The following PLXNA4 variants were observed in gnomAD, a reference collection of about 807,000 sequenced individuals.
PLXNA4 encodes the protein plexin-A4.
Under a neutral mutation model 191.8 loss-of-function variants are expected in PLXNA4, and 44 were observed. The observed-to-expected ratio is 0.23, with a 90% CI of 0.18 to 0.29. The LOEUF is 0.29. PLXNA4 is among the 10% of genes least tolerant of loss of function. PLXNA4 has a pLI of 1.00. For synonymous variants in PLXNA4, 1,082 were observed against 1,009.5 expected (o/e 1.07, Z -1.36); for missense variants, 1,800 against 2,488.8 (o/e 0.72, Z 5.89).
intron 24 of PLXNA4, among the ~76,000 whole-genome samples, chr7:132,160,463 C>G (rs1020498629): frequency 6.6e-6 from 1 of 152,066 alleles, no homozygotes; most frequent in South Asian, 2.1e-4. Flanking sequence ...TTAAAAAGAA[C>G]AAGGCTTTTC....
chr7:132,409,336 C>T (rs922439413), intron 3 of PLXNA4, among the ~76,000 whole-genome samples: 1 of 152,176 alleles, frequency 6.6e-6, no homozygotes. Flanking sequence ...TGTCCTATAA[C>T]CCCCTATGGC....
intron 1 of PLXNA4, among the ~76,000 whole-genome samples, chr7:132,544,557 C>T (rs1246064710): frequency 6.6e-6 from 1 of 152,054 alleles, no homozygotes; most frequent in Non-Finnish European, 1.5e-5. Context: ...GTGAGGGGGG[C>T]ACACCCTGTC....
At position 132,495,452 on chromosome 7, in the gene PLXNA4, C is replaced by T. The variant is rs147256089; in HGVS notation, c.1189-5978G>A. 2.2e-3 allele frequency among the ~76,000 whole-genome samples: 330 copies of T among 152,282 alleles called. 1 individual carries two copies. Among genetic ancestry groups the T allele is most frequent in the African/African-American group, 7.6e-3 (315 of 41,556 alleles). The stretch of plus-strand genomic sequence containing the variant: ...CCTAAGCTGATCCTGAAGAGGCAGA[C>T]CAGGTGACCAGCAGGGATGTGCCAT... On this transcript the variant is annotated intron_variant, in intron 2 of 31. Coordinates refer to ENST00000321063, the MANE Select transcript of PLXNA4 (RefSeq NM_020911.2).
chr7:132,281,560 A>G (rs1800479091), intron 4 of PLXNA4, among the ~76,000 whole-genome samples: 1 of 152,212 alleles, frequency 6.6e-6, no homozygotes, highest in Admixed American at 6.5e-5. Context: ...CATTATTGGC[A>G]ACAAAATCAC....
chr7:132,578,653 C>T (rs900203285), upstream of PLXNA4, among the ~76,000 whole-genome samples: 2 of 152,142 alleles, frequency 1.3e-5, no homozygotes, highest in African/African-American at 4.8e-5. Context: ...AGAGAGGACC[C>T]TGCTGAAACT....
chr7:132,423,321 C>T (rs1265186465), intron 3 of PLXNA4, among the ~76,000 whole-genome samples: 3 of 152,198 alleles, frequency 2.0e-5, no homozygotes, highest in African/African-American at 2.4e-5. Context: ...CCAAAGCTTA[C>T]GTAGTGAAGG....
intron 3 of PLXNA4, among the ~76,000 whole-genome samples, chr7:132,438,853 T>C (rs1795578768): frequency 6.6e-6 from 1 of 152,202 alleles, no homozygotes; most frequent in Admixed American, 6.5e-5. Flanking sequence ...AAAGATTTAT[T>C]CCATATCAAC....
intron 18 of PLXNA4, among the ~76,000 whole-genome samples, chr7:132,181,062 C>T (rs1049554583): frequency 6.6e-6 from 1 of 152,152 alleles, no homozygotes; most frequent in Non-Finnish European, 1.5e-5. Flanking sequence ...CAAAGGAAGC[C>T]CTATGCTGTG....
chr7:132,360,174 G>T (rs2116847704), intron 3 of PLXNA4, among the ~76,000 whole-genome samples: 1 of 152,218 alleles, frequency 6.6e-6, no homozygotes, highest in South Asian at 2.1e-4. Flanking sequence ...TTAAAAGCAT[G>T]GGCACTTTCT....
In PLXNA4 at chr7:132,203,349, T is replaced by A. The variant is rs749196607; in HGVS notation, c.2369A>T (p.Asn790Ile). The A allele has an allele frequency of 6.2e-7, 1 of 1,614,054 alleles. No individual in the cohort carries two copies. The highest frequency in any genetic ancestry group is 1.1e-5 in the South Asian group (1 of 91,078). The change falls in exon 11 of 32, where the codon AAC becomes ATC. Residue 790 changes from asparagine to isoleucine, a missense_variant. Asn to Ile is a moderately radical substitution (Grantham distance 149). This residue lies in a region of PLXNA4 where 1,397 missense variants were observed against 1,880.4 expected (regional missense o/e 0.74). Transcript: ENST00000321063. ...TTTATTCTGAGCTGGGTTGTCAATG[T>A]TGAAGTGCCCATTCCACACGACTGT... ...ELTVVWNGHF[N>I]IDNPAQNKVH...
intron 29 of PLXNA4, among the ~76,000 whole-genome samples, chr7:132,142,213 C>A (rs569239375): frequency 1.3e-5 from 2 of 152,240 alleles, no homozygotes; most frequent in African/African-American, 2.4e-5. Context: ...GCCATCCCTG[C>A]AGGCTATAAT....
At chr7:132,347,203 TC>T (rs1453716542) in intron 3 of PLXNA4, among the ~76,000 whole-genome samples, 3 of 151,890 alleles carry the variant, frequency 2.0e-5, no homozygotes, top group African/African-American at 7.3e-5. Flanking sequence ...CTGAATCCCT[TC>T]CCCCCAAAAA....
intron 25 of PLXNA4, among the ~76,000 whole-genome samples, chr7:132,158,512 A>G (rs1795857393): frequency 6.6e-6 from 1 of 152,194 alleles, no homozygotes; most frequent in Non-Finnish European, 1.5e-5. Context: ...TATCCTCATA[A>G]TCAGTGACAG....
At chr7:132,559,548 C>T (rs1800943482) in intron 1 of PLXNA4, among the ~76,000 whole-genome samples, 1 of 152,186 alleles carries the variant, frequency 6.6e-6, no homozygotes, top group Non-Finnish European at 1.5e-5. Context: ...GGGGCCTCTC[C>T]CCATCCCCAA....
At chr7:132,309,820 G>A (rs1219017141) in intron 3 of PLXNA4, among the ~76,000 whole-genome samples, 1 of 152,168 alleles carries the variant, frequency 6.6e-6, no homozygotes, top group Non-Finnish European at 1.5e-5. Flanking sequence ...AGTCGTCCAG[G>A]TACTAACTCA....
intron 3 of PLXNA4, among the ~76,000 whole-genome samples, chr7:132,339,951 TAC>T (rs1410788928): frequency 6.6e-6 from 1 of 152,230 alleles, no homozygotes; most frequent in African/African-American, 2.4e-5. Context: ...CACTGTAATC[TAC>T]ACACACAGCA....
At chr7:132,617,036 A>C (rs1035541802) in intron 2 of PLXNA4, among the ~76,000 whole-genome samples, 5 of 152,188 alleles carry the variant, frequency 3.3e-5, no homozygotes, top group Non-Finnish European at 7.3e-5. Context: ...GTAGAGTCAT[A>C]AGATGGTCAT....
chr7:132,174,790 G>C lies in PLXNA4; in HGVS notation c.4005C>G (p.Leu1335=), dbSNP rs371589473. The change falls in exon 21 of 32, where the codon CTC becomes CTG. Residue 1335 remains leucine (L), a synonymous_variant. Transcript: ENST00000321063. ...CACTGCTTCTCACCTCAAGGTCCCG[G>C]AGGACAGGGTGGTCTTCAATTCCTG... ...LFPGIEDHPV[L]RDLEVPGYRQ... is the part of the protein sequence containing the mutation. The C allele has an allele frequency of 1.9e-6, 3 of 1,613,946 alleles. No individual in the cohort carries two copies. Among genetic ancestry groups the C allele is most frequent in the Non-Finnish European group, 2.5e-6 (3 of 1,179,916 alleles).
chr7:132,433,471 C>A (rs1795352798), intron 3 of PLXNA4, among the ~76,000 whole-genome samples: 1 of 152,144 alleles, frequency 6.6e-6, no homozygotes, highest in South Asian at 2.1e-4. Context: ...GTGGCCACGG[C>A]CACAGCAGAA....
Sources: gnomAD v4.1 joint callset for allele counts (sites outside exome capture counted in the v4.1 genomes callset) on GRCh38, gnomAD v4.1.1 for gene constraint, gnomAD v4.1.1 regional missense constraint, MANE v1.5 for transcripts, NCBI Gene and HGNC (gene_info 2026-07-23, HGNC 2026-07-21) for gene names.